Variants in TMEM181 observed in about 807,000 individuals in gnomAD.
TMEM181 encodes G protein-coupled receptor 178.
A neutral mutation model predicts 71.9 loss-of-function variants in TMEM181; 39 were observed. The ratio of observed to expected loss-of-function variants is 0.54; its 90% CI spans 0.42 to 0.71. TMEM181 has a LOEUF of 0.71. TMEM181 is among the 30% of genes least tolerant of loss of function. The pLI is 0.00. For missense variants in TMEM181, 595 were observed against 583.0 expected (o/e 1.02, Z -0.21); for synonymous variants, 245 against 228.8 (o/e 1.07, Z -0.64).
At chr6:158,607,983 C>T (rs1426873220) in intron 8 of TMEM181, among the ~76,000 whole-genome samples, 5 of 152,244 alleles carry the variant, frequency 3.3e-5, no homozygotes, top group African/African-American at 4.8e-5. Flanking sequence ...TCCCAGGCTC[C>T]GGGAGGAGCT....
Position 158,625,142 on chromosome 6 carries a change from C to T in TMEM181, c.993C>T (p.Tyr331=). The change falls in exon 12 of 17, where the codon TAC becomes TAT. Residue 331 remains tyrosine (Y), a synonymous_variant. Transcript: ENST00000684151. ...KVFFMVVAAV[Y]ILYLLFLIVR... ...TCTTCATGGTGGTGGCAGCGGTGTA[C>T]ATTCTGTACCTCTTGTTCTTGATAG... The T allele has an allele frequency of 1.2e-6, 2 of 1,614,198 alleles. No homozygotes were observed. Among genetic ancestry groups the T allele is most frequent in the African/African-American group, 1.3e-5 (1 of 75,032 alleles).
intron 10 of TMEM181, chr6:158,610,791 A>G (rs1209844667): frequency 9.6e-6 from 3 of 314,072 alleles, no homozygotes; most frequent in Non-Finnish European, 1.8e-5. Context: ...TGCTGCTCAC[A>G]GACAGGTAGC....
chr6:158,610,519 C>T, intron 10 of TMEM181: 2 of 404,592 alleles, frequency 4.9e-6, no homozygotes, highest in Non-Finnish European at 8.2e-6. Flanking sequence ...CTAGGCTTGG[C>T]TCCCAGTGGC....
chr6:158,570,261 C>T (rs1473920033), intron 1 of TMEM181, among the ~76,000 whole-genome samples: 1 of 145,814 alleles, frequency 6.9e-6, no homozygotes, highest in Non-Finnish European at 1.5e-5. Context: ...GAGATGGAGT[C>T]TTGCTCTGTC....
chr6:158,568,119 C>G (rs73012202), intron 1 of TMEM181, among the ~76,000 whole-genome samples: 19,038 of 152,004 alleles, frequency 0.13, 1,369 homozygotes, highest in Middle Eastern at 0.21. Context: ...TCAGCTCTTC[C>G]TGGCTGGCTG....
intron 1 of TMEM181, among the ~76,000 whole-genome samples, chr6:158,547,230 C>A (rs1781555584): frequency 6.6e-6 from 1 of 152,144 alleles, no homozygotes; most frequent in South Asian, 2.1e-4. Flanking sequence ...TGCAGTGAAC[C>A]ATGATTGTGC....
chr6:158,566,060 G>A (rs184226906), intron 1 of TMEM181, among the ~76,000 whole-genome samples: 72 of 152,328 alleles, frequency 4.7e-4, no homozygotes, highest in Non-Finnish European at 9.7e-4. Context: ...TTTGGATTTA[G>A]TAGAATATCT....
chr6:158,603,557 G>A (rs1487491218), intron 6 of TMEM181, among the ~76,000 whole-genome samples: 1 of 150,118 alleles, frequency 6.7e-6, no homozygotes, highest in African/African-American at 2.5e-5. Context: ...GTTGTCCAAA[G>A]CTTCCCGATG....
At chr6:158,544,434 C>G (rs1369857059) in intron 1 of TMEM181, among the ~76,000 whole-genome samples, 2 of 151,954 alleles carry the variant, frequency 1.3e-5, no homozygotes, top group African/African-American at 2.4e-5. Flanking sequence ...CTGGGTGAGG[C>G]AGGGTTGGAG....
chr6:158,554,108 G>A (rs1045327723), intron 1 of TMEM181, among the ~76,000 whole-genome samples: 1 of 148,846 alleles, frequency 6.7e-6, no homozygotes, highest in Non-Finnish European at 1.5e-5. Context: ...TTTTTGAGAT[G>A]GAGTTTCGCT....
At chr6:158,609,142 C>T (rs7767559) in intron 10 of TMEM181, among the ~76,000 whole-genome samples, 44,567 of 151,416 alleles carry the variant, frequency 0.29, 7,017 homozygotes, top group East Asian at 0.61. Context: ...AAACTGTGTT[C>T]TGTGAACTCA....
At position 158,607,290 on chromosome 6, in the gene TMEM181, G is replaced by T; in HGVS notation, c.620G>T (p.Gly207Val). 1 of 1,614,202 alleles carries T rather than the reference G, an allele frequency of 6.2e-7. No individual in the cohort carries two copies. The highest frequency in any genetic ancestry group is 8.5e-7 in the Non-Finnish European group (1 of 1,180,040). ...CGGAAATTTTCCATGAGAGACTGGGGCATCGAGCAGAAGTGGATGTCTGTT... is the reference window on the plus strand; with the variant it reads ...CGGAAATTTTCCATGAGAGACTGGGTCATCGAGCAGAAGTGGATGTCTGTT... ...SLRKFSMRDW[G>V]IEQKWMSVLL... Residue 207 changes from glycine (G) to valine (V), a missense_variant, in exon 8 of 17, where the codon GGC (glycine) becomes GTC (valine). Coordinates refer to ENST00000684151, the MANE Select transcript of TMEM181 (RefSeq NM_001376852.1).
At chr6:158,557,606 C>A (rs934721938), upstream of TMEM181, among the ~76,000 whole-genome samples, 2 of 152,046 alleles carry the variant, frequency 1.3e-5, no homozygotes, top group Admixed American at 6.6e-5. Flanking sequence ...CAAGCTCCAC[C>A]CCCTGGGTTT....
upstream of TMEM181, among the ~76,000 whole-genome samples, chr6:158,555,493 C>T (rs1051790217): frequency 4.6e-5 from 7 of 152,112 alleles, no homozygotes; most frequent in African/African-American, 1.7e-4. Flanking sequence ...GTAGAAAAGT[C>T]AGCAGATTTA....
upstream of TMEM181, among the ~76,000 whole-genome samples, chr6:158,555,908 G>A (rs750137297): frequency 6.6e-6 from 1 of 152,130 alleles, no homozygotes; most frequent in Admixed American, 6.5e-5. Context: ...GAAAAAAGAC[G>A]AATCATTTAT....
intron 3 of TMEM181, among the ~76,000 whole-genome samples, chr6:158,582,612 C>T (rs1783541788): frequency 6.6e-6 from 1 of 151,800 alleles, no homozygotes; most frequent in Non-Finnish European, 1.5e-5. Context: ...CTGCGGTAAG[C>T]CATGATTGCA....
intron 14 of TMEM181, among the ~76,000 whole-genome samples, chr6:158,628,746 C>T (rs1786484700): frequency 6.6e-6 from 1 of 152,204 alleles, no homozygotes; most frequent in Non-Finnish European, 1.5e-5. Context: ...CAGAGCCCGG[C>T]TCCAAACCCA....
Position 158,634,538 on chromosome 6 carries a change from TCA to T in TMEM181, c.*2651_*2652del, listed in dbSNP as rs1372351159. On this transcript the variant is annotated 3_prime_UTR_variant, in exon 17 of 17. Coordinates refer to ENST00000684151, the MANE Select transcript of TMEM181 (RefSeq NM_001376852.1). ...AACCTGGAAGATGACCAGAGGTATTTCAGTTTCCCTAGGGAGAGCTTCGTTAT... is the reference window on the plus strand; with the variant it reads ...AACCTGGAAGATGACCAGAGGTATTTGTTTCCCTAGGGAGAGCTTCGTTAT... The T allele has an allele frequency of 6.6e-6, 1 of 152,170 alleles. No individual in the cohort carries two copies. Among genetic ancestry groups the T allele is most frequent in the Non-Finnish European group, 1.5e-5 (1 of 68,016 alleles). The allele number at this position is 152,170 out of a possible 1,614,324, so 9.4% of individuals were successfully genotyped here.
chr6:158,608,013 G>C (rs184541565), intron 8 of TMEM181, among the ~76,000 whole-genome samples: 6 of 152,246 alleles, frequency 3.9e-5, no homozygotes, highest in African/African-American at 1.4e-4. Flanking sequence ...GGCATACGGC[G>C]CTCTGTCGTG....
Sources: allele counts gnomAD v4.1 joint callset (sites outside exome capture counted in the v4.1 genomes callset), GRCh38; gene constraint gnomAD v4.1.1; transcripts MANE v1.5; gene names NCBI Gene and HGNC (gene_info 2026-07-23, HGNC 2026-07-21).